MUTYH: variants seen among roughly 807,000 people sequenced by gnomAD.
MUTYH encodes the protein mutY DNA glycosylase.
In MUTYH, 64 loss-of-function variants were observed where a neutral mutation model predicts 72.9. The observed-to-expected ratio is 0.88, with a 90% CI of 0.72 to 1.08. MUTYH has a LOEUF of 1.08. Ranked by LOEUF, MUTYH falls within the 50% of genes least tolerant of loss-of-function variation. MUTYH has a pLI of 0.00. For synonymous variants in MUTYH, 234 were observed against 263.1 expected (o/e 0.89, Z 1.07); for missense variants, 633 against 671.0 (o/e 0.94, Z 0.63).
chr1:45,337,208 A>T (rs559833789), intron 1 of MUTYH, among the ~76,000 whole-genome samples: 1 of 146,324 alleles, frequency 6.8e-6, no homozygotes, highest in South Asian at 2.2e-4. Flanking sequence ...CAGTGGTGTG[A>T]TCTTGGCTCA....
chr1:45,339,957 A>T lies in MUTYH; in HGVS notation c.-65T>A, dbSNP rs1222986309. On this transcript the variant is annotated 5_prime_UTR_variant, in exon 1 of 16. Coordinates refer to ENST00000456914, the MANE Select transcript of MUTYH (RefSeq NM_001048174.2). ...GGAGGCCCCGCGTTCCCGCCGCGAG[A>T]GCAGGAGAGAAAGATTACCTCCCGC... 3 of 1,506,016 alleles carry T rather than the reference A, an allele frequency of 2.0e-6. No individual in the cohort carries two copies. 93.3% of individuals were successfully genotyped at this position (1,506,016 alleles called of 1,614,324 possible).
At chr1:45,338,311 A>C (rs1364165508) in intron 1 of MUTYH, 1 of 529,588 alleles carries the variant, frequency 1.9e-6, no homozygotes, top group East Asian at 3.9e-5. Flanking sequence ...TGCTCTAGCC[A>C]AGGTTGACTG....
rs555253085 is a variant in MUTYH at position 45,337,953 on chromosome 1, A to T, written c.-7+1946T>A. 1.7e-4 allele frequency among the ~76,000 whole-genome samples: 26 copies of T among 152,278 alleles called. No homozygotes were observed. In the South Asian group the frequency reaches 5.0e-3, roughly 29 times the overall value. ...CATAAAAAGCAAAAATTAGACCAAG[A>T]GGGGAAAAAAAAGAGTGCCAAGGTG... On this transcript the variant is annotated intron_variant, in intron 1 of 15. Transcript: ENST00000456914.
chr1:45,334,319 A>G, intron 2 of MUTYH, 72 bp downstream of exon 2: 1 of 1,605,966 alleles, frequency 6.2e-7, no homozygotes. Context: ...CTTGATACGT[A>G]TCACAATCCC....
At chr1:45,340,040 C>A (rs1418696430), upstream of MUTYH, 10 of 1,540,320 alleles carry the variant, frequency 6.5e-6, no homozygotes, top group African/African-American at 1.4e-5. Flanking sequence ...CGGGTCCACC[C>A]GGGCTGCGAG....
In MUTYH at chr1:45,338,476, C is replaced by T. The variant is rs1170892900; in HGVS notation, c.-7+1423G>A. ...CCAAATCAGGTCCCCTCATCTTATC[C>T]TATCACATATTTCTGCCTTGTAGCT... On this transcript the variant is annotated intron_variant, in intron 1 of 15. Transcript: ENST00000456914. The T allele has an allele frequency of 5.5e-5, 20 of 361,150 alleles. No homozygotes were observed. In the Admixed American group the frequency reaches 7.5e-4, roughly 14 times the overall value. 22.4% of individuals were successfully genotyped at this position (361,150 alleles called of 1,614,324 possible).
chr1:45,330,341 T>C (rs1022408734), intron 15 of MUTYH, among the ~76,000 whole-genome samples, 175 bp downstream of exon 15: 3 of 151,900 alleles, frequency 2.0e-5, no homozygotes, highest in Non-Finnish European at 2.9e-5. Flanking sequence ...ATCATTTTTT[T>C]CCTTTCCCTC....
intron 15 of MUTYH, among the ~76,000 whole-genome samples, chr1:45,329,702 CCT>C (rs1372684619): frequency 6.6e-6 from 1 of 152,114 alleles, no homozygotes; most frequent in Non-Finnish European, 1.5e-5. Context: ...GGGCTCACAC[CCT>C]GACTGACCCA....
Position 45,332,156 on chromosome 1 carries a change from G to C in MUTYH, c.849+10C>G. On this transcript the variant is annotated intron_variant, in intron 10 of 15. Coordinates refer to ENST00000456914, the MANE Select transcript of MUTYH (RefSeq NM_001048174.2). ...AGGACTTCTCACTGCCCCTTCCCCA[G>C]TAGGCTTACTCTCTGGCGTGCCCGG... is the stretch of plus-strand genomic sequence containing the variant. The C allele has an allele frequency of 6.2e-7, 1 of 1,614,210 alleles. No homozygotes were observed. Among genetic ancestry groups the C allele is most frequent in the Middle Eastern group, 1.6e-4 (1 of 6,062 alleles).
rs778014929 is a variant in MUTYH, at chr1:45,332,607, T to G, written c.573A>C (p.Thr191=). 3.7e-5 allele frequency: 59 copies of G among 1,614,030 alleles called. No homozygotes were observed. The highest frequency in any genetic ancestry group is 5.0e-5 in the Non-Finnish European group (59 of 1,180,014). The change falls in exon 8 of 16, where the codon ACA becomes ACC. Residue 191 remains threonine (T), a synonymous_variant. Coordinates refer to ENST00000456914, the MANE Select transcript of MUTYH (RefSeq NM_001048174.2). The stretch of plus-strand genomic sequence containing the variant: ...AGGCGATAGAGGCAATGGCCCCAGC[T>G]GTGTAGCGCCCCACGCCAGGCAGGA... ...QQLLPGVGRY[T]AGAIASIAFG...
At chr1:45,331,385 A>G in intron 13 of MUTYH, 35 bp downstream of exon 13, 1 of 1,614,226 alleles carries the variant, frequency 6.2e-7, no homozygotes, top group African/African-American at 1.3e-5. Flanking sequence ...TAGCCTCAAA[A>G]GCCAACATCC....
rs3219493 is a variant in MUTYH at position 45,330,597 on chromosome 1, G to C, written c.1393-40C>G. 0.91 allele frequency: 1,453,890 copies of C among 1,590,222 alleles called. 664,951 individuals carry two copies. Among genetic ancestry groups the C allele is most frequent in the African/African-American group, 0.96 (71,177 of 74,350 alleles). Reference sequence around the variant, plus strand: ...AGGGAGGTGAGGGCTGGCACTTTTTGCAAAAGAGATAAACCGGTGTTCTGC... The same window carrying C: ...AGGGAGGTGAGGGCTGGCACTTTTTCCAAAAGAGATAAACCGGTGTTCTGC... On this transcript the variant is annotated intron_variant, in intron 14 of 15. Coordinates refer to ENST00000456914, the MANE Select transcript of MUTYH (RefSeq NM_001048174.2).
intron 14 of MUTYH, 49 bp from the exon 15 acceptor site, chr1:45,330,606 ATAAACCGG>A (rs757082442): frequency 6.4e-7 from 1 of 1,570,756 alleles, no homozygotes; most frequent in South Asian, 1.2e-5. Flanking sequence ...TGCAAAAGAG[ATAAACCGG>A]TGTTCTGCCC....
At chr1:45,333,377 C>T (rs1645332219) in intron 3 of MUTYH, 36 bp downstream of exon 3, 1 of 1,613,854 alleles carries the variant, frequency 6.2e-7, no homozygotes, top group Non-Finnish European at 8.5e-7. Flanking sequence ...TGGGTGCCTG[C>T]CTCCCACCCA....
intron 14 of MUTYH, 47 bp downstream of exon 14, chr1:45,331,135 C>A (rs1306981231): frequency 1.2e-6 from 2 of 1,610,688 alleles, no homozygotes; most frequent in African/African-American, 1.3e-5. Flanking sequence ...TCATGTAGAA[C>A]ATGTAGGAAA....
In MUTYH at chr1:45,332,214, T is replaced by TGGGC; in HGVS notation, c.797_800dup (p.Leu268ProfsTer34). 6.2e-7 allele frequency: 1 copy of TGGGC among 1,614,192 alleles called. No individual in the cohort carries two copies. The highest frequency in any genetic ancestry group is 8.5e-7 in the Non-Finnish European group (1 of 1,180,002). On this transcript the variant is annotated frameshift_variant, in exon 10 of 16. Transcript: ENST00000456914. LOFTEE classifies it high-confidence loss of function. ...TCTCCACAGGGCACTGGCTGCACAGTGGGCGCTGTGGGGTACACACTGTGG... is the reference window on the plus strand; with the variant it reads ...TCTCCACAGGGCACTGGCTGCACAGTGGGCGGGCGCTGTGGGGTACACACTGTGG...
intron 1 of MUTYH, 22 bp downstream of exon 1, chr1:45,339,877 C>T (rs1438160987): frequency 7.2e-7 from 1 of 1,381,564 alleles, no homozygotes; most frequent in South Asian, 1.2e-5. Flanking sequence ...AGCCCAAACC[C>T]AGCCACCCCA....
chr1:45,336,299 A>G (rs1645875169), intron 1 of MUTYH, among the ~76,000 whole-genome samples: 1 of 152,238 alleles, frequency 6.6e-6, no homozygotes, highest in South Asian at 2.1e-4. Context: ...GGCTTGCAAC[A>G]TAGCAAGACC....
rs138206097 is a variant in MUTYH at position 45,337,869 on chromosome 1, A to G, written c.-7+2030T>C. Among the ~76,000 whole-genome samples the G allele has an allele frequency of 7.4e-3, 1,133 of 152,248 alleles. 17 individuals are homozygous for G. The highest frequency in any genetic ancestry group is 0.025 in the African/African-American group (1,055 of 41,564). On this transcript the variant is annotated intron_variant, in intron 1 of 15. Transcript: ENST00000456914. ...TCAGGGAGCTTATATTCTAATGGGG[A>G]CAGAAAAGGAATAATGAACATAAGT...
Sources: gnomAD v4.1 joint callset for allele counts (sites outside exome capture counted in the v4.1 genomes callset) on GRCh38, gnomAD v4.1.1 for gene constraint, MANE v1.5 for transcripts, NCBI Gene and HGNC (gene_info 2026-07-23, HGNC 2026-07-21) for gene names.